Variants in ZC3H7B observed in about 807,000 individuals in gnomAD.
ZC3H7B encodes zinc finger CCCH-type containing 7B.
Under a neutral mutation model 116.0 loss-of-function variants are expected in ZC3H7B, and 35 were observed. The observed-to-expected ratio is 0.30, with a 90% CI of 0.23 to 0.40. The LOEUF is 0.40. Among genes scored for constraint, ZC3H7B ranks in the 10% least tolerant of loss-of-function variants. ZC3H7B has a pLI of 1.00. For synonymous variants in ZC3H7B, 502 were observed against 545.6 expected (o/e 0.92, Z 1.11); for missense variants, 1,011 against 1,321.5 (o/e 0.77, Z 3.64).
intron 1 of ZC3H7B, among the ~76,000 whole-genome samples, chr22:41,319,767 G>A (rs1366848001): frequency 2.0e-5 from 3 of 152,092 alleles, no homozygotes; most frequent in Admixed American, 2.0e-4. Context: ...AGTGGCTAAC[G>A]CCTGTAATCC....
At chr22:41,339,289 T>C in intron 9 of ZC3H7B, 98 bp downstream of exon 9, 1 of 1,428,982 alleles carries the variant, frequency 7.0e-7, no homozygotes, top group East Asian at 2.4e-5. Flanking sequence ...GCTCATGTCA[T>C]GTGTCTCAGG....
At position 41,327,257 on chromosome 22, in the gene ZC3H7B, A is replaced by T. The variant is rs374312221; in HGVS notation, c.337A>T (p.Ser113Cys). The T allele has an allele frequency of 2.9e-5, 47 of 1,614,006 alleles. 1 individual carries two copies. The highest frequency in any genetic ancestry group is 3.7e-5 in the Non-Finnish European group (44 of 1,180,058). The change falls in exon 5 of 23, where the codon AGT becomes TGT. Residue 113 changes from serine to cysteine, a missense_variant. By Grantham distance (112) the Ser-to-Cys change is moderately radical. Transcript: ENST00000352645. This position sits in a 1 kb window ranked among gnomAD's most constrained non-coding sequence, Gnocchi z 4.5. Reference protein sequence around the residue: ...EDSEKALGLDSESIRALFRKA... With the variant: ...EDSEKALGLDCESIRALFRKA... ...CAGCGAGAAGGCGCTGGGCCTGGACAGTGAGAGTATCCGGGCGTTGTTCCG... is the reference window on the plus strand; with the variant it reads ...CAGCGAGAAGGCGCTGGGCCTGGACTGTGAGAGTATCCGGGCGTTGTTCCG...
rs2036653512 is a variant in ZC3H7B at position 41,351,503 on chromosome 22, G to A, written c.1949-58G>A. The A allele has an allele frequency of 1.3e-6, 2 of 1,527,630 alleles. No homozygotes were observed. Among genetic ancestry groups the A allele is most frequent in the East Asian group, 4.8e-5 (2 of 41,854 alleles). 94.6% of individuals were successfully genotyped at this position (1,527,630 alleles called of 1,614,324 possible). ...GTCCCTGGCACCTCGTGGACCCCCT[G>A]CCTCCCTCCTTGCTGAGCACCTTGA... is the stretch of plus-strand genomic sequence containing the variant. On this transcript the variant is annotated intron_variant, in intron 16 of 22. Transcript: ENST00000352645. The surrounding 1 kb of genome is among the most constrained non-coding windows in gnomAD (Gnocchi z 5.1).
chr22:41,357,550 A>C lies in ZC3H7B; in HGVS notation c.*121A>C. 9.9e-7 allele frequency: 1 copy of C among 1,012,998 alleles called. No homozygotes were observed. The highest frequency in any genetic ancestry group is 2.9e-5 in the Admixed American group (1 of 34,822). The allele number at this position is 1,012,998 out of a possible 1,614,324, so 62.8% of individuals were successfully genotyped here. ...GGGCCGCCCTCATCAGGCAGCCCCC[A>C]GCCCCCTGAGGCCCTGTCCATCTTC... On this transcript the variant is annotated 3_prime_UTR_variant, in exon 23 of 23. Transcript: ENST00000352645. The surrounding 1 kb of genome is among the most constrained non-coding windows in gnomAD (Gnocchi z 5.4).
intron 2 of ZC3H7B, among the ~76,000 whole-genome samples, chr22:41,323,419 A>T (rs914275476): frequency 6.6e-6 from 1 of 152,162 alleles, no homozygotes; most frequent in Non-Finnish European, 1.5e-5. Context: ...TCAGTCACTG[A>T]TGTCTGTAGA....
At position 41,346,214 on chromosome 22, in the gene ZC3H7B, G is replaced by T. The variant is rs1455932669; in HGVS notation, c.1665+6G>T. 5.6e-6 allele frequency: 9 copies of T among 1,607,978 alleles called. No individual in the cohort carries two copies. Among genetic ancestry groups the T allele is most frequent in the African/African-American group, 4.0e-5 (3 of 74,900 alleles). On this transcript the variant is annotated splice_donor_region_variant and intron_variant, in intron 14 of 22. Transcript: ENST00000352645. This position sits in a 1 kb window ranked among gnomAD's most constrained non-coding sequence, Gnocchi z 5.3. ...TCTTCACCTTCCTCTGCGAGGTACT[G>T]CCCACCCACCCACTGCCACCCCATA...
intron 7 of ZC3H7B, 184 bp downstream of exon 7, chr22:41,332,411 G>A (rs944038678): frequency 3.4e-5 from 24 of 713,176 alleles, no homozygotes; most frequent in Non-Finnish European, 4.4e-5. Context: ...GCAGGGAGTG[G>A]TCATTGCCGG....
intron 12 of ZC3H7B, among the ~76,000 whole-genome samples, chr22:41,342,900 C>T (rs545671841): frequency 1.3e-3 from 197 of 152,230 alleles, no homozygotes; most frequent in African/African-American, 4.4e-3. Flanking sequence ...AGGCCGGATG[C>T]GGTGGCTCAC....
intron 13 of ZC3H7B, among the ~76,000 whole-genome samples, chr22:41,343,795 A>T (rs949950424): frequency 6.6e-6 from 1 of 152,186 alleles, no homozygotes; most frequent in Non-Finnish European, 1.5e-5. Flanking sequence ...GGCAGGTGGG[A>T]CACATTTGGG....
intron 15 of ZC3H7B, among the ~76,000 whole-genome samples, chr22:41,348,500 G>A (rs1448387382): frequency 6.6e-6 from 1 of 152,196 alleles, no homozygotes. Flanking sequence ...ACAGCAAGCG[G>A]GGGGCCTCGT....
chr22:41,326,784 G>A (rs1445882634), intron 4 of ZC3H7B, among the ~76,000 whole-genome samples: 1 of 152,216 alleles, frequency 6.6e-6, no homozygotes, highest in Non-Finnish European at 1.5e-5. Flanking sequence ...ATGGCTCCTG[G>A]ATGCCTCAGG....
chr22:41,358,635 T>TA lies in ZC3H7B; in HGVS notation c.*1207dup, dbSNP rs2036750581. On this transcript the variant is annotated 3_prime_UTR_variant, in exon 23 of 23. Transcript: ENST00000352645. ...ATGTCCTCTCCTCTAGACCCAGACA[T>TA]ACAGTTATAACCGTCTGTCCTAGCC... 1 of 153,180 alleles carries TA rather than the reference T, an allele frequency of 6.5e-6. No homozygotes were observed. Among genetic ancestry groups the TA allele is most frequent in the Non-Finnish European group, 1.5e-5 (1 of 68,250 alleles). 9.5% of individuals were successfully genotyped at this position (153,180 alleles called of 1,614,324 possible).
rs1284699780 is a variant in ZC3H7B at position 41,338,211 on chromosome 22, C to T, written c.583-102C>T. Reference sequence around the variant, plus strand: ...CTCCCCTGGCACTCTAAGTGCTCCTCGGTGCTGGGTCAACAGCATAGTCAC... The same window carrying T: ...CTCCCCTGGCACTCTAAGTGCTCCTTGGTGCTGGGTCAACAGCATAGTCAC... On this transcript the variant is annotated intron_variant, in intron 7 of 22. Coordinates refer to ENST00000352645, the MANE Select transcript of ZC3H7B (RefSeq NM_017590.6). This position sits in a 1 kb window ranked among gnomAD's most constrained non-coding sequence, Gnocchi z 4.5. 1.3e-4 allele frequency: 162 copies of T among 1,272,316 alleles called. No homozygotes were observed. The South Asian group carries it at 1.7e-3, about 14-fold the overall frequency. 78.8% of individuals were successfully genotyped at this position (1,272,316 alleles called of 1,614,324 possible).
intron 14 of ZC3H7B, among the ~76,000 whole-genome samples, chr22:41,347,297 G>A (rs1056704381): frequency 6.6e-6 from 1 of 152,242 alleles, no homozygotes; most frequent in Non-Finnish European, 1.5e-5. Flanking sequence ...CCGTGTCCAC[G>A]GCCCCACGTC....
chr22:41,327,111 A>C lies in ZC3H7B; in HGVS notation c.286-95A>C. On this transcript the variant is annotated intron_variant, in intron 4 of 22. Transcript: ENST00000352645. This position sits in a 1 kb window ranked among gnomAD's most constrained non-coding sequence, Gnocchi z 4.5. ...TTCAGCTCCTCTGTCTCTGCCAGGA[A>C]GGGAAGCTGGTGTTCCTTCCTAGGC... 1 of 1,532,964 alleles carries C rather than the reference A, an allele frequency of 6.5e-7. No homozygotes were observed. The allele number at this position is 1,532,964 out of a possible 1,614,324, so 95.0% of individuals were successfully genotyped here. A position where few individuals can be genotyped will look rare whatever the true frequency, so the allele number is the denominator to read the frequency against.
At chr22:41,348,686 C>T (rs1034852151) in intron 15 of ZC3H7B, among the ~76,000 whole-genome samples, 11 of 152,174 alleles carry the variant, frequency 7.2e-5, no homozygotes, top group African/African-American at 2.4e-4. Context: ...AATTCCTGGG[C>T]CAGTCCTGTC....
At chr22:41,332,095 G>A in intron 6 of ZC3H7B, 76 bp from the exon 7 acceptor site, 1 of 1,555,318 alleles carries the variant, frequency 6.4e-7, no homozygotes. Context: ...GGGCCTCTTT[G>A]CTGCCCCAGC....
chr22:41,353,173 G>A (rs970778830), intron 17 of ZC3H7B, among the ~76,000 whole-genome samples: 1 of 152,180 alleles, frequency 6.6e-6, no homozygotes, highest in South Asian at 2.1e-4. Flanking sequence ...CACTGATTGT[G>A]GTATCCCCTC....
intron 17 of ZC3H7B, among the ~76,000 whole-genome samples, chr22:41,353,360 G>C (rs1185505412): frequency 6.6e-6 from 1 of 152,148 alleles, no homozygotes; most frequent in Non-Finnish European, 1.5e-5. Context: ...CCCCACCTGC[G>C]GCATTCCTGT....
Sources: gnomAD v4.1 joint callset for allele counts (sites outside exome capture counted in the v4.1 genomes callset) on GRCh38, gnomAD v4.1.1 for gene constraint, Gnocchi (gnomAD v3.1) non-coding constraint, MANE v1.5 for transcripts, NCBI Gene and HGNC (gene_info 2026-07-23, HGNC 2026-07-21) for gene names.